The following SDK1 variants were observed in gnomAD, a reference collection of about 807,000 sequenced individuals.
The protein encoded by SDK1 is protein sidekick-1.
SDK1 carries 157 observed loss-of-function variants against 245.5 expected under a neutral mutation model. The ratio of observed to expected loss-of-function variants is 0.64; its 90% CI spans 0.56 to 0.73. SDK1 has a LOEUF of 0.73. Among genes scored for constraint, SDK1 ranks in the 30% least tolerant of loss-of-function variants. The probability of loss-of-function intolerance (pLI) is 0.00; values close to 1 mark genes in which losing one functional copy is unlikely to be tolerated. For synonymous variants in SDK1, 1,647 were observed against 1,278.5 expected (o/e 1.29, Z -6.15); for missense variants, 3,583 against 3,002.3 (o/e 1.19, Z -4.52).
chr7:3,749,999 C>T (rs1779730577), intron 4 of SDK1, among the ~76,000 whole-genome samples: 1 of 152,220 alleles, frequency 6.6e-6, no homozygotes, highest in South Asian at 2.1e-4. Context: ...ACAAAGCTCA[C>T]ATAGGCTTTA....
chr7:3,591,608 G>C (rs1176623606), intron 1 of SDK1, among the ~76,000 whole-genome samples: 2 of 152,198 alleles, frequency 1.3e-5, no homozygotes, highest in Non-Finnish European at 2.9e-5. Flanking sequence ...TGCCTTTTTA[G>C]TTTATATCTT....
At chr7:3,332,224 A>C (rs182466547) in intron 1 of SDK1, among the ~76,000 whole-genome samples, 1 of 152,324 alleles carries the variant, frequency 6.6e-6, no homozygotes, top group East Asian at 1.9e-4. Context: ...ATTGAATTAT[A>C]GTTTTAAGTC....
chr7:3,758,714 G>C (rs1780008945), intron 4 of SDK1, among the ~76,000 whole-genome samples: 1 of 152,146 alleles, frequency 6.6e-6, no homozygotes, highest in African/African-American at 2.4e-5. Flanking sequence ...ATTTCTTTAA[G>C]AACCCTGGTG....
In SDK1 at chr7:4,122,106, G is replaced by C. The variant is rs923490393; in HGVS notation, c.3824-5275G>C. Among the ~76,000 whole-genome samples, 14 of 152,126 alleles carry C rather than the reference G, an allele frequency of 9.2e-5. No homozygotes were observed. The South Asian group carries it at 2.7e-3, about 29-fold the overall frequency. On this transcript the variant is annotated intron_variant, in intron 25 of 44. Transcript: ENST00000404826. The stretch of plus-strand genomic sequence containing the variant: ...CGTCCTACCACCTGGGGAATCTCAG[G>C]GGCCCAGATGCTGCAGGACTTCCGC...
chr7:3,494,273 C>T (rs1781953631), intron 1 of SDK1, among the ~76,000 whole-genome samples: 1 of 151,750 alleles, frequency 6.6e-6, no homozygotes, highest in South Asian at 2.1e-4. Flanking sequence ...TATTTTAATC[C>T]AGATTAAAGA....
chr7:4,029,775 C>T (rs1024288871), intron 17 of SDK1, among the ~76,000 whole-genome samples: 6 of 152,100 alleles, frequency 3.9e-5, no homozygotes, highest in African/African-American at 1.4e-4. Flanking sequence ...AGATGGCATC[C>T]CTGTCAAATA....
Position 4,215,660 on chromosome 7 carries a change from T to A in SDK1, c.5540-4449T>A, listed in dbSNP as rs549191177. On this transcript the variant is annotated intron_variant, in intron 38 of 44. Coordinates refer to ENST00000404826, the MANE Select transcript of SDK1 (RefSeq NM_152744.4). Reference sequence around the variant, plus strand: ...AAGGACTGCCCCGCGGTACGGGAGCTGGTTTGGTGGTGGTGGTTTTGAGCC... The same window carrying A: ...AAGGACTGCCCCGCGGTACGGGAGCAGGTTTGGTGGTGGTGGTTTTGAGCC... Among the ~76,000 whole-genome samples the A allele has an allele frequency of 3.5e-4, 54 of 152,318 alleles. 1 individual carries two copies. In the East Asian group the frequency reaches 9.9e-3, roughly 28 times the overall value.
intron 30 of SDK1, among the ~76,000 whole-genome samples, chr7:4,153,976 C>T (rs947376420): frequency 2.0e-5 from 3 of 152,104 alleles, no homozygotes; most frequent in South Asian, 2.1e-4. Context: ...CTAACATGCC[C>T]GGCCAATAGT....
At chr7:4,137,281 C>T (rs1342698067) in intron 28 of SDK1, among the ~76,000 whole-genome samples, 1 of 152,168 alleles carries the variant, frequency 6.6e-6, no homozygotes, top group Non-Finnish European at 1.5e-5. Context: ...GGTGACAGAG[C>T]GAGACTCTAT....
intron 4 of SDK1, among the ~76,000 whole-genome samples, chr7:3,742,083 G>T (rs932540321): frequency 6.7e-6 from 1 of 150,160 alleles, no homozygotes; most frequent in African/African-American, 2.5e-5. Context: ...TTTGGGGGGG[G>T]AGCAGTTTAA....
intron 4 of SDK1, among the ~76,000 whole-genome samples, chr7:3,711,368 T>C (rs776367488): frequency 1.3e-5 from 2 of 152,212 alleles, no homozygotes; most frequent in Non-Finnish European, 2.9e-5. Flanking sequence ...GTAAGGCCTC[T>C]GACCTCGTAA....
chr7:3,455,629 A>G (rs1780643404), intron 1 of SDK1, among the ~76,000 whole-genome samples: 1 of 151,970 alleles, frequency 6.6e-6, no homozygotes, highest in Admixed American at 6.6e-5. Context: ...ACTCTGTTCC[A>G]TTGATCTGTG....
intron 1 of SDK1, among the ~76,000 whole-genome samples, chr7:3,357,413 G>A (rs374824124): frequency 1.0e-3 from 131 of 130,142 alleles, no homozygotes; most frequent in African/African-American, 3.7e-3. Context: ...GCAATGGTGC[G>A]ATCACGGCTC....
rs73671823 is a variant in SDK1, at chr7:3,451,484, C to T, written c.298+149600C>T. ...GGACACGGGGAAGGGAGCTGCCTTG[C>T]ACTGAGGCCTCTGCAGATGATCACA... On this transcript the variant is annotated intron_variant, in intron 1 of 44. Transcript: ENST00000404826. 5.3e-3 allele frequency among the ~76,000 whole-genome samples: 812 copies of T among 152,206 alleles called. 6 individuals carry two copies. Among genetic ancestry groups the T allele is most frequent in the African/African-American group, 0.019 (778 of 41,534 alleles).
intron 1 of SDK1, among the ~76,000 whole-genome samples, chr7:3,483,522 C>A (rs754478202): frequency 6.6e-6 from 1 of 152,054 alleles, no homozygotes; most frequent in Non-Finnish European, 1.5e-5. Context: ...TAATCATTTC[C>A]TTGTGAATAT....
At chr7:3,655,385 A>G (rs2568522) in intron 4 of SDK1, among the ~76,000 whole-genome samples, 36,159 of 145,782 alleles carry the variant, frequency 0.25, 5,527 homozygotes, top group East Asian at 0.38. Flanking sequence ...GTGAGCCGAG[A>G]TCGCAGCATT....
At chr7:3,971,931 C>G (rs747595957) in intron 12 of SDK1, among the ~76,000 whole-genome samples, 15 of 152,080 alleles carry the variant, frequency 9.9e-5, no homozygotes, top group Admixed American at 5.2e-4. Context: ...GGGGCTGTGC[C>G]ACTCCCGGGA....
At chr7:3,535,199 C>T (rs80043530) in intron 1 of SDK1, among the ~76,000 whole-genome samples, 2 of 152,076 alleles carry the variant, frequency 1.3e-5, no homozygotes, top group African/African-American at 4.8e-5. Flanking sequence ...TTGCTTGAAC[C>T]CAGGAGGCGG....
chr7:4,043,307 T>A, intron 17 of SDK1, among the ~76,000 whole-genome samples: 1 of 96,970 alleles, frequency 1.0e-5, no homozygotes, highest in South Asian at 3.3e-4. Context: ...GGGGCCCAGG[T>A]AGAGTGAGTC....
Sources: gnomAD v4.1 joint callset for allele counts (sites outside exome capture counted in the v4.1 genomes callset) on GRCh38, gnomAD v4.1.1 for gene constraint, MANE v1.5 for transcripts, NCBI Gene and HGNC (gene_info 2026-07-23, HGNC 2026-07-21) for gene names.